The following KANK1 variants were observed in gnomAD, a reference collection of about 807,000 sequenced individuals.
KANK1 encodes KN motif and ankyrin repeat domains 1.
A neutral mutation model predicts 106.2 loss-of-function variants in KANK1; 109 were observed. The observed-to-expected ratio is 1.03, with a 90% CI of 0.88 to 1.20. The LOEUF is 1.20. Ranked by LOEUF, KANK1 falls within the 50% of genes most tolerant of loss-of-function variation. KANK1 has a pLI of 0.00. For synonymous variants in KANK1, 873 were observed against 652.2 expected (o/e 1.34, Z -5.16); for missense variants, 2,399 against 1,710.7 (o/e 1.40, Z -7.10).
intron 1 of KANK1, among the ~76,000 whole-genome samples, chr9:518,111 C>G (rs2059374617): frequency 6.6e-6 from 1 of 151,712 alleles, no homozygotes; most frequent in Non-Finnish European, 1.5e-5. Context: ...AAGTGTCACT[C>G]TTTCCTGCTC....
At chr9:686,765 A>G (rs1818685507) in intron 2 of KANK1, 1 of 985,216 alleles carries the variant, frequency 1.0e-6, no homozygotes, top group African/African-American at 1.7e-5. Flanking sequence ...AAGGGATCTG[A>G]GTGGGCCCAA....
intron 1 of KANK1, among the ~76,000 whole-genome samples, chr9:630,433 C>G (rs1221026013): frequency 6.6e-6 from 1 of 151,966 alleles, no homozygotes; most frequent in Non-Finnish European, 1.5e-5. Flanking sequence ...CGCCTGTAGT[C>G]CCAGCTACTC....
At chr9:544,211 G>T (rs2060788594) in intron 1 of KANK1, among the ~76,000 whole-genome samples, 1 of 151,808 alleles carries the variant, frequency 6.6e-6, no homozygotes, top group Non-Finnish European at 1.5e-5. Flanking sequence ...TGTAGAGACA[G>T]GGTTTTGCCA....
chr9:608,683 A>T (rs3812527), intron 1 of KANK1, among the ~76,000 whole-genome samples: 4 of 151,730 alleles, frequency 2.6e-5, no homozygotes, highest in Non-Finnish European at 4.4e-5. Context: ...GGAGATAAAC[A>T]GAATTGAAAA....
At chr9:648,508 A>G (rs1486305254) in intron 1 of KANK1, among the ~76,000 whole-genome samples, 2 of 152,154 alleles carry the variant, frequency 1.3e-5, no homozygotes, top group Admixed American at 1.3e-4. Context: ...GAAGTATGAT[A>G]ATTAAAAATA....
At chr9:732,867 A>C in intron 6 of KANK1, 1 of 322,180 alleles carries the variant, frequency 3.1e-6, no homozygotes. Context: ...AATTTAACAT[A>C]TGGAACCACA....
At chr9:686,468 A>G (rs528408788) in intron 2 of KANK1, among the ~76,000 whole-genome samples, 2 of 152,308 alleles carry the variant, frequency 1.3e-5, no homozygotes, top group South Asian at 4.2e-4. Flanking sequence ...AATCAGCCTG[A>G]TGATACACTG....
intron 1 of KANK1, among the ~76,000 whole-genome samples, chr9:638,443 C>T (rs1168782741): frequency 2.0e-5 from 3 of 152,158 alleles, no homozygotes; most frequent in Non-Finnish European, 2.9e-5. Context: ...TAACTTGTTA[C>T]CCTCTGCTAT....
intron 1 of KANK1, among the ~76,000 whole-genome samples, chr9:534,618 C>T (rs2060213178): frequency 6.6e-6 from 1 of 152,176 alleles, no homozygotes; most frequent in African/African-American, 2.4e-5. Context: ...AGTTATGCAG[C>T]AGCCTACTGG....
intron 1 of KANK1, among the ~76,000 whole-genome samples, chr9:537,358 T>C (rs10120392): frequency 0.2 from 30,428 of 152,032 alleles, 3,523 homozygotes; most frequent in East Asian, 0.33. Context: ...CTGGTTAGCC[T>C]GTCAGGCCCT....
intron 3 of KANK1, among the ~76,000 whole-genome samples, chr9:720,375 C>T (rs974083996): frequency 2.0e-5 from 3 of 152,134 alleles, no homozygotes; most frequent in Non-Finnish European, 4.4e-5. Flanking sequence ...GACAAGGTCT[C>T]ACTCTGTCTT....
At chr9:678,847 T>A (rs578163343) in intron 2 of KANK1, among the ~76,000 whole-genome samples, 1 of 152,288 alleles carries the variant, frequency 6.6e-6, no homozygotes, top group South Asian at 2.1e-4. Flanking sequence ...TCTGATGATG[T>A]GGTTTCCTCC....
intron 3 of KANK1, among the ~76,000 whole-genome samples, chr9:719,202 C>T (rs1478234004): frequency 6.6e-6 from 1 of 152,032 alleles, no homozygotes; most frequent in Admixed American, 6.5e-5. Context: ...CTTCTAACCT[C>T]ATGATCCACC....
intron 1 of KANK1, among the ~76,000 whole-genome samples, chr9:640,781 C>G (rs1423119209): frequency 6.6e-6 from 1 of 150,994 alleles, no homozygotes; most frequent in Non-Finnish European, 1.5e-5. Flanking sequence ...ACTGCAAGCT[C>G]TGCCTGCCGG....
At chr9:690,133 C>A (rs373609466) in intron 2 of KANK1, among the ~76,000 whole-genome samples, 569 of 61,338 alleles carry the variant, frequency 9.3e-3, no homozygotes, top group African/African-American at 0.018. Context: ...TCTAAAAATA[C>A]AAAAAAAAAA....
chr9:611,584 A>G (rs1034650072), intron 1 of KANK1, among the ~76,000 whole-genome samples: 3 of 152,324 alleles, frequency 2.0e-5, no homozygotes, highest in African/African-American at 7.2e-5. Flanking sequence ...ATCCCATTAG[A>G]TAGGAGTGTG....
At position 742,378 on chromosome 9, in the gene KANK1, C is replaced by A. The variant is rs115758363; in HGVS notation, c.3870C>A (p.Pro1290=). The part of the protein sequence containing the change: ...VEIVKLLLAQ[P]GCNGHLEDND... ...TTGTCAAGCTGCTGCTGGCCCAGCC[C>A]GGCTGCAACGGTCACCTAGAGGACA... The change falls in exon 10 of 12, where the codon CCC becomes CCA. Residue 1290 remains proline (P), a synonymous_variant. Coordinates refer to ENST00000382297, the MANE Select transcript of KANK1 (RefSeq NM_015158.5). 3 of 1,613,772 alleles carry A rather than the reference C, an allele frequency of 1.9e-6. No individual in the cohort carries two copies. The highest frequency in any genetic ancestry group is 2.2e-5 in the East Asian group (1 of 44,886).
upstream of KANK1, among the ~76,000 whole-genome samples, chr9:499,965 AGTTT>A (rs757945680): frequency 1.3e-5 from 2 of 152,222 alleles, no homozygotes; most frequent in Non-Finnish European, 2.9e-5. Context: ...TAGTCTAACA[AGTTT>A]GTTTGTAATA....
intron 3 of KANK1, among the ~76,000 whole-genome samples, chr9:474,034 TGAA>T (rs1427359229): frequency 7.7e-6 from 1 of 130,202 alleles, no homozygotes; most frequent in Non-Finnish European, 1.5e-5. Context: ...CCAGAGTTAA[TGAA>T]GAAGCTTTCC....
Sources: allele counts gnomAD v4.1 joint callset (sites outside exome capture counted in the v4.1 genomes callset), GRCh38; gene constraint gnomAD v4.1.1; transcripts MANE v1.5; gene names NCBI Gene and HGNC (gene_info 2026-07-23, HGNC 2026-07-21).